The following AOPEP variants were observed in gnomAD, a reference collection of about 807,000 sequenced individuals.
AOPEP encodes the protein aminopeptidase O.
In AOPEP, 77 loss-of-function variants were observed where a neutral mutation model predicts 98.1. The observed-to-expected ratio is 0.78, with a 90% CI of 0.65 to 0.95. The LOEUF (loss-of-function observed/expected upper bound fraction) is 0.95, where lower values mean the gene tolerates loss of function less well. AOPEP is among the 40% of genes least tolerant of loss of function. The pLI, the probability that AOPEP is intolerant of heterozygous loss-of-function variation, is 0.00. For missense variants in AOPEP, 1,024 were observed against 1,024.7 expected (o/e 1.00, Z 0.01); for synonymous variants, 346 against 365.3 (o/e 0.95, Z 0.60).
intron 11 of AOPEP, among the ~76,000 whole-genome samples, chr9:94,994,310 T>C (rs1319224428): frequency 2.6e-5 from 4 of 152,182 alleles, no homozygotes; most frequent in Non-Finnish European, 5.9e-5. Context: ...GAATTGTAGT[T>C]TTTAACTTAA....
chr9:94,761,309 G>C (rs1390540131), intron 2 of AOPEP, among the ~76,000 whole-genome samples: 1 of 152,166 alleles, frequency 6.6e-6, no homozygotes, highest in East Asian at 1.9e-4. Context: ...CAATTGTTCA[G>C]ATTTTTAAAA....
intron 13 of AOPEP, among the ~76,000 whole-genome samples, chr9:95,021,004 C>G (rs1332847903): frequency 6.6e-6 from 1 of 150,844 alleles, no homozygotes; most frequent in Non-Finnish European, 1.5e-5. Context: ...TCACAAATGA[C>G]CTTTTCACCA....
chr9:94,791,966 A>G (rs1051545284), intron 3 of AOPEP, among the ~76,000 whole-genome samples: 1 of 152,270 alleles, frequency 6.6e-6, no homozygotes, highest in Admixed American at 6.5e-5. Context: ...TTTACATCTC[A>G]GAAATGAGGG....
Position 95,085,569 on chromosome 9 carries a change from T to C in AOPEP, c.*5-1113T>C, listed in dbSNP as rs142356100. The C allele has an allele frequency of 7.7e-5, 36 of 469,576 alleles. No homozygotes were observed. In the East Asian group the frequency reaches 2.1e-3, roughly 27 times the overall value. 29.1% of individuals were successfully genotyped at this position (469,576 alleles called of 1,614,324 possible). The stretch of plus-strand genomic sequence containing the variant: ...ATGGGGACAGTTAAGTTGGAGCCGC[T>C]GGGGCAGAGGCCGTTGCTGACGGGC... On this transcript the variant is annotated intron_variant, in intron 16 of 16. Coordinates refer to ENST00000375315, the MANE Select transcript of AOPEP (RefSeq NM_001193329.3).
At chr9:95,011,272 A>G (rs2062491297) in intron 13 of AOPEP, among the ~76,000 whole-genome samples, 1 of 142,528 alleles carries the variant, frequency 7.0e-6, no homozygotes, top group South Asian at 2.2e-4. Flanking sequence ...GCTGGAGTGC[A>G]GTGACCTCCA....
intron 1 of AOPEP, among the ~76,000 whole-genome samples, chr9:94,759,037 A>C (rs758080499): frequency 2.0e-5 from 3 of 152,194 alleles, no homozygotes; most frequent in African/African-American, 7.2e-5. Context: ...TTTAACTATA[A>C]ATTTGAAAAA....
At chr9:95,049,876 C>T (rs143004604) in intron 13 of AOPEP, among the ~76,000 whole-genome samples, 56 of 152,254 alleles carry the variant, frequency 3.7e-4, no homozygotes, top group African/African-American at 1.2e-3. Context: ...TTTGAAGACT[C>T]GTTGATTGAC....
the AOPEP span, among the ~76,000 whole-genome samples, chr9:95,096,785 T>C: frequency 6.6e-6 from 1 of 152,234 alleles, no homozygotes; most frequent in Admixed American, 6.5e-5. Flanking sequence ...CACCAAAGTA[T>C]GTGTCAGTGC....
At chr9:94,736,235 G>A (rs1398625596) in intron 1 of AOPEP, among the ~76,000 whole-genome samples, 1 of 152,154 alleles carries the variant, frequency 6.6e-6, no homozygotes, top group East Asian at 1.9e-4. Context: ...ATGGATTTGA[G>A]GAGTCTGTAT....
intron 7 of AOPEP, among the ~76,000 whole-genome samples, chr9:94,949,561 C>T (rs1394681917): frequency 6.6e-6 from 1 of 152,192 alleles, no homozygotes; most frequent in Non-Finnish European, 1.5e-5. Context: ...CTGCTGCAGG[C>T]TGATGGTCCC....
chr9:94,915,274 A>G (rs12235316), intron 5 of AOPEP, among the ~76,000 whole-genome samples: 51,237 of 152,124 alleles, frequency 0.34, 9,646 homozygotes, highest in Non-Finnish European at 0.43. Flanking sequence ...TGTGTTTAGT[A>G]TCATCATTTT....
At chr9:95,005,956 C>G (rs1489006371) in intron 13 of AOPEP, 1 of 487,972 alleles carries the variant, frequency 2.0e-6, no homozygotes, top group Non-Finnish European at 4.1e-6. Flanking sequence ...CCGAATAAAT[C>G]GCCCACAGTA....
At chr9:94,917,153 A>G (rs751452930) in intron 5 of AOPEP, among the ~76,000 whole-genome samples, 1 of 152,082 alleles carries the variant, frequency 6.6e-6, no homozygotes, top group East Asian at 1.9e-4. Context: ...TTCCGTATGC[A>G]GGGCTGAGGT....
At chr9:94,960,202 G>A (rs1004994446) in intron 9 of AOPEP, among the ~76,000 whole-genome samples, 1 of 152,054 alleles carries the variant, frequency 6.6e-6, no homozygotes, top group Non-Finnish European at 1.5e-5. Flanking sequence ...ATGAGGTCAG[G>A]AGTTCGAGAC....
At position 94,790,229 on chromosome 9, in the gene AOPEP, C is replaced by T. The variant is rs146909171; in HGVS notation, c.965-2536C>T. ...TCACCCAGGCTGGAGTGCAATTGTG[C>T]GATCTCGGCTCACTGCAACCTCTGC... On this transcript the variant is annotated intron_variant, in intron 3 of 16. Transcript: ENST00000375315. 5.9e-4 allele frequency among the ~76,000 whole-genome samples: 89 copies of T among 151,532 alleles called. 5 individuals carry two copies. The East Asian group carries it at 0.013, about 22-fold the overall frequency.
At chr9:95,135,666 T>C in the AOPEP span, 1 of 633,538 alleles carries the variant, frequency 1.6e-6, no homozygotes, top group Non-Finnish European at 2.8e-6. Flanking sequence ...TACCAAGTGC[T>C]CATTTGCAAA....
intron 5 of AOPEP, among the ~76,000 whole-genome samples, chr9:94,837,998 A>G (rs945012496): frequency 1.1e-4 from 17 of 152,304 alleles, no homozygotes; most frequent in East Asian, 9.6e-4. Context: ...ACATGATTGT[A>G]TATCTAGAAA....
chr9:94,929,199 CT>C (rs2054882521), intron 7 of AOPEP, among the ~76,000 whole-genome samples: 1 of 152,240 alleles, frequency 6.6e-6, no homozygotes, highest in Admixed American at 6.5e-5. Flanking sequence ...ATCACCTCCC[CT>C]CCTCTTCCAC....
At chr9:95,096,319 C>T in the AOPEP span, among the ~76,000 whole-genome samples, 1 of 152,092 alleles carries the variant, frequency 6.6e-6, no homozygotes, top group Non-Finnish European at 1.5e-5. Context: ...CTTCCTGGCT[C>T]CCCGACGGGC....
Sources: allele counts gnomAD v4.1 joint callset (sites outside exome capture counted in the v4.1 genomes callset), GRCh38; gene constraint gnomAD v4.1.1; transcripts MANE v1.5; gene names NCBI Gene and HGNC (gene_info 2026-07-23, HGNC 2026-07-21).